The following SHISA9 variants were observed in gnomAD, a reference collection of about 807,000 sequenced individuals.
SHISA9 encodes the protein protein shisa-9.
SHISA9 carries 13 observed loss-of-function variants against 38.0 expected under a neutral mutation model. The ratio of observed to expected loss-of-function variants is 0.34; its 90% CI spans 0.22 to 0.54. The LOEUF is 0.54. SHISA9 is among the 20% of genes least tolerant of loss of function. The pLI, the probability that SHISA9 is intolerant of heterozygous loss-of-function variation, is 0.91. For synonymous variants in SHISA9, 275 were observed against 242.0 expected, an observed-to-expected ratio of 1.14 and a Z score of -1.27; for missense variants, 538 against 575.8, an observed-to-expected ratio of 0.93 and a Z score of 0.67.
chr16:13,522,946 CATGGAGT>C, the SHISA9 span, among the ~76,000 whole-genome samples: 1 of 152,238 alleles, frequency 6.6e-6, no homozygotes, highest in Admixed American at 6.5e-5. Context: ...GGTTAAGCAA[CATGGAGT>C]ATCAGCTTTG....
intron 2 of SHISA9, among the ~76,000 whole-genome samples, chr16:13,162,531 C>A (rs2050603924): frequency 1.3e-5 from 2 of 152,170 alleles, no homozygotes; most frequent in Non-Finnish European, 1.5e-5. Flanking sequence ...GACTGATACT[C>A]CAAATTCCAT....
the SHISA9 span, among the ~76,000 whole-genome samples, chr16:13,355,475 T>G: frequency 6.6e-6 from 1 of 151,288 alleles, no homozygotes; most frequent in Admixed American, 6.6e-5. Context: ...AGGGCGGCAA[T>G]GAGATATAGC....
At chr16:13,118,273 G>A (rs1444148151) in intron 2 of SHISA9, among the ~76,000 whole-genome samples, 1 of 152,018 alleles carries the variant, frequency 6.6e-6, no homozygotes, top group Admixed American at 6.6e-5. Context: ...TGTGATAGAG[G>A]GGCACACAGG....
chr16:12,972,041 TTGTGTGTGTG>T (rs72368949), intron 2 of SHISA9, among the ~76,000 whole-genome samples: 55 of 142,040 alleles, frequency 3.9e-4, no homozygotes, highest in Middle Eastern at 3.6e-3. Context: ...CTCTTGGAGT[TTGTGTGTGTG>T]TGTGTGTGTG....
At chr16:13,441,128 A>C in the SHISA9 span, among the ~76,000 whole-genome samples, 2 of 152,214 alleles carry the variant, frequency 1.3e-5, no homozygotes, top group Non-Finnish European at 2.9e-5. Flanking sequence ...AGATAAAAGC[A>C]GTTGAAGAAA....
chr16:13,111,074 C>T (rs756317893), intron 2 of SHISA9, among the ~76,000 whole-genome samples: 10 of 151,876 alleles, frequency 6.6e-5, no homozygotes, highest in Non-Finnish European at 1.0e-4. Context: ...AATTTAAGAC[C>T]GAAAGCCATA....
chr16:13,410,161 GTGAACAAAGCTT>G, the SHISA9 span, among the ~76,000 whole-genome samples: 1 of 152,176 alleles, frequency 6.6e-6, no homozygotes, highest in Non-Finnish European at 1.5e-5. Context: ...TCTATTCTGG[GTGAACAAAGCTT>G]TGAAGTTGAT....
intron 2 of SHISA9, among the ~76,000 whole-genome samples, chr16:12,970,235 T>C (rs1316861527): frequency 1.4e-5 from 2 of 145,700 alleles, no homozygotes; most frequent in Non-Finnish European, 3.0e-5. Flanking sequence ...ATGGATGTAT[T>C]GTGTAGTGGT....
At chr16:13,439,619 T>G in the SHISA9 span, among the ~76,000 whole-genome samples, 1 of 151,770 alleles carries the variant, frequency 6.6e-6, no homozygotes, top group Non-Finnish European at 1.5e-5. Context: ...GACCTAGGGG[T>G]TGGTGGAAGA....
chr16:13,327,289 C>A, the SHISA9 span, among the ~76,000 whole-genome samples: 1 of 152,084 alleles, frequency 6.6e-6, no homozygotes, highest in Non-Finnish European at 1.5e-5. Context: ...GGGGGTGGAC[C>A]CTGTACTTTT....
the SHISA9 span, among the ~76,000 whole-genome samples, chr16:13,509,046 G>A: frequency 6.6e-6 from 1 of 152,120 alleles, no homozygotes; most frequent in African/African-American, 2.4e-5. Context: ...TTGTGCATCC[G>A]ACCCTCCTTG....
downstream of SHISA9, among the ~76,000 whole-genome samples, chr16:13,240,978 G>A (rs1188145213): frequency 1.3e-5 from 2 of 152,300 alleles, no homozygotes; most frequent in East Asian, 1.9e-4. Flanking sequence ...AGGCAAAGCA[G>A]CTAAGAAGAG....
intron 2 of SHISA9, among the ~76,000 whole-genome samples, chr16:12,970,964 T>G (rs1426943523): frequency 6.6e-6 from 1 of 152,146 alleles, no homozygotes; most frequent in Non-Finnish European, 1.5e-5. Context: ...AAGTATTTGT[T>G]GAATGAATGA....
the SHISA9 span, among the ~76,000 whole-genome samples, chr16:13,384,603 A>C: frequency 6.6e-6 from 1 of 152,200 alleles, no homozygotes; most frequent in African/African-American, 2.4e-5. Context: ...AACATCTTTC[A>C]GGGTGGGGAG....
chr16:13,154,734 G>A (rs1009528974), intron 2 of SHISA9, among the ~76,000 whole-genome samples: 5 of 152,246 alleles, frequency 3.3e-5, no homozygotes, highest in African/African-American at 7.2e-5. Flanking sequence ...TCTCTGCAGA[G>A]CACCAAAGTG....
At chr16:13,532,427 G>A in the SHISA9 span, among the ~76,000 whole-genome samples, 2 of 152,122 alleles carry the variant, frequency 1.3e-5, no homozygotes, top group Non-Finnish European at 1.5e-5. Flanking sequence ...TCAAACCAGA[G>A]CAGAGGTTCC....
chr16:13,145,209 T>C (rs965281050), intron 2 of SHISA9, among the ~76,000 whole-genome samples: 1 of 152,110 alleles, frequency 6.6e-6, no homozygotes, highest in African/African-American at 2.4e-5. Flanking sequence ...AGCCCTGCCC[T>C]CAAATCCCAA....
chr16:13,545,245 C>A, the SHISA9 span, among the ~76,000 whole-genome samples: 1 of 152,186 alleles, frequency 6.6e-6, no homozygotes, highest in East Asian at 1.9e-4. Flanking sequence ...GAATTCTATT[C>A]AAGGTCTTTT....
intron 2 of SHISA9, among the ~76,000 whole-genome samples, chr16:13,023,268 T>C (rs1454969091): frequency 6.6e-6 from 1 of 152,078 alleles, no homozygotes; most frequent in Non-Finnish European, 1.5e-5. Flanking sequence ...GAACATGCGG[T>C]GTTTGGTTTT....
Sources: allele counts gnomAD v4.1 joint callset (sites outside exome capture counted in the v4.1 genomes callset), GRCh38; gene constraint gnomAD v4.1.1; transcripts MANE v1.5; gene names NCBI Gene and HGNC (gene_info 2026-07-23, HGNC 2026-07-21).